The following HNRNPF variants were observed in gnomAD, a reference collection of about 807,000 sequenced individuals.
The protein encoded by HNRNPF is heterogeneous nuclear ribonucleoprotein F.
HNRNPF carries 2 observed loss-of-function variants against 26.0 expected under a neutral mutation model. The ratio of observed to expected loss-of-function variants is 0.08; its 90% CI spans 0.03 to 0.24. The LOEUF is 0.24. Ranked by LOEUF, HNRNPF falls within the 10% of genes least tolerant of loss-of-function variation. The probability of loss-of-function intolerance (pLI) is 1.00; values close to 1 mark genes in which losing one functional copy is unlikely to be tolerated. For missense variants in HNRNPF, 299 were observed against 539.2 expected (o/e 0.55, Z 4.41); for synonymous variants, 234 against 211.5 (o/e 1.11, Z -0.92).
At chr10:43,407,813 G>C (rs898342586) in intron 1 of HNRNPF, 7 of 152,204 alleles carry the variant, frequency 4.6e-5, no homozygotes, top group African/African-American at 1.7e-4. Flanking sequence ...TAAGGCTACG[G>C]GAACCGGGCG....
intron 1 of HNRNPF, among the ~76,000 whole-genome samples, chr10:43,405,070 AACTC>A (rs1416833933): frequency 1.3e-5 from 2 of 152,190 alleles, no homozygotes; most frequent in Non-Finnish European, 2.9e-5. Flanking sequence ...GTAAGTGTAA[AACTC>A]ACACTGGATT....
At chr10:43,396,698 G>C (rs896517138) in intron 1 of HNRNPF, 108 bp from the exon 2 acceptor site, 1 of 152,166 alleles carries the variant, frequency 6.6e-6, no homozygotes, top group African/African-American at 2.4e-5. Flanking sequence ...CCGAGACAAG[G>C]TGACGGCGAC....
intron 2 of HNRNPF, among the ~76,000 whole-genome samples, chr10:43,395,680 C>CTTCA (rs1439453634): frequency 6.6e-6 from 1 of 152,188 alleles, no homozygotes; most frequent in Non-Finnish European, 1.5e-5. Context: ...TTTCAAAAGG[C>CTTCA]TTCAACAATC....
In HNRNPF at chr10:43,387,477, A is replaced by G. The variant is rs781138078; in HGVS notation, c.408T>C (p.Ile136=). ...EIVQFFSGLE[I]VPNGITLPVD... is the part of the protein sequence containing the mutation. Reference sequence around the variant, plus strand: ...CAGGCAATGTGATCCCGTTTGGCACAATTTCCAACCCTGAGAAGAACTGAA... The same window carrying G: ...CAGGCAATGTGATCCCGTTTGGCACGATTTCCAACCCTGAGAAGAACTGAA... Residue 136 remains isoleucine (I), a synonymous_variant, in exon 4 of 4, where the codon ATT becomes ATC. Transcript: ENST00000682386. The surrounding 1 kb of genome is among the most constrained non-coding windows in gnomAD (Gnocchi z 6.0). 1 of 1,614,180 alleles carries G rather than the reference A, an allele frequency of 6.2e-7. No individual in the cohort carries two copies. The highest frequency in any genetic ancestry group is 8.5e-7 in the Non-Finnish European group (1 of 1,180,034).
At chr10:43,392,856 A>G (rs957968094) in intron 3 of HNRNPF, among the ~76,000 whole-genome samples, 2 of 152,174 alleles carry the variant, frequency 1.3e-5, no homozygotes, top group African/African-American at 4.8e-5. Context: ...CCTGAAGCCT[A>G]GACGGGTAGA....
chr10:43,404,295 C>G, intron 1 of HNRNPF, among the ~76,000 whole-genome samples: 1 of 105,500 alleles, frequency 9.5e-6, no homozygotes. Context: ...AGTGAGAATC[C>G]GTCTATAAAA....
chr10:43,388,336 T>A (rs899961602), intron 3 of HNRNPF, among the ~76,000 whole-genome samples: 6 of 152,228 alleles, frequency 3.9e-5, no homozygotes, highest in Non-Finnish European at 7.3e-5. Flanking sequence ...TCTGCTTGTC[T>A]ATGGTAGGAT....
At chr10:43,398,401 G>A (rs956403150) in intron 1 of HNRNPF, among the ~76,000 whole-genome samples, 2 of 148,260 alleles carry the variant, frequency 1.3e-5, no homozygotes, top group Non-Finnish European at 3.0e-5. Context: ...GAGTGCAATG[G>A]CACGATCTCG....
At chr10:43,394,082 C>T (rs543698095) in intron 3 of HNRNPF, among the ~76,000 whole-genome samples, 1 of 152,274 alleles carries the variant, frequency 6.6e-6, no homozygotes, top group Admixed American at 6.5e-5. Flanking sequence ...TGGGGAGAAA[C>T]TTGTGCCTGT....
chr10:43,391,672 G>C (rs892343754), intron 3 of HNRNPF, among the ~76,000 whole-genome samples: 2 of 74,908 alleles, frequency 2.7e-5, no homozygotes, highest in Non-Finnish European at 4.5e-5. Context: ...CAGAGTCCAG[G>C]AGTTTGTAAG....
intron 1 of HNRNPF, among the ~76,000 whole-genome samples, chr10:43,401,148 A>G (rs1181260277): frequency 6.6e-6 from 1 of 151,838 alleles, no homozygotes; most frequent in African/African-American, 2.4e-5. Context: ...TTACTCCATT[A>G]TTACTACATT....
Position 43,385,688 on chromosome 10 carries a change from A to G in HNRNPF, c.*949T>C, listed in dbSNP as rs1192799330. 6.6e-6 allele frequency: 1 copy of G among 152,250 alleles called. No individual in the cohort carries two copies. Among genetic ancestry groups the G allele is most frequent in the Non-Finnish European group, 1.5e-5 (1 of 68,044 alleles). 9.4% of individuals were successfully genotyped at this position (152,250 alleles called of 1,614,324 possible). A position where few individuals can be genotyped will look rare whatever the true frequency, so the allele number is the denominator to read the frequency against. On this transcript the variant is annotated 3_prime_UTR_variant, in exon 4 of 4. Transcript: ENST00000682386. ...CTTTCACAATGTAGTACTTGAAACT[A>G]AAGTTCTCCAGCTATCAACAGATGT...
At chr10:43,390,394 C>A (rs1415240621) in intron 3 of HNRNPF, among the ~76,000 whole-genome samples, 1 of 152,184 alleles carries the variant, frequency 6.6e-6, no homozygotes, top group East Asian at 1.9e-4. Flanking sequence ...AGCCTTAGGT[C>A]CAGCCATCGT....
chr10:43,406,974 G>A (rs748505062), intron 1 of HNRNPF, among the ~76,000 whole-genome samples: 2 of 152,124 alleles, frequency 1.3e-5, no homozygotes, highest in South Asian at 4.1e-4. Flanking sequence ...CACTTTGCAG[G>A]AATAGCACTT....
chr10:43,400,842 A>C (rs1388679146), intron 1 of HNRNPF, among the ~76,000 whole-genome samples: 1 of 152,246 alleles, frequency 6.6e-6, no homozygotes, highest in African/African-American at 2.4e-5. Flanking sequence ...TCATGCCTGT[A>C]ATCCCAGCAC....
chr10:43,392,430 T>A (rs1234719286), intron 3 of HNRNPF, among the ~76,000 whole-genome samples: 1 of 152,060 alleles, frequency 6.6e-6, no homozygotes, highest in African/African-American at 2.4e-5. Flanking sequence ...TCCCAGCTAC[T>A]CCAGACGCTG....
intron 1 of HNRNPF, among the ~76,000 whole-genome samples, chr10:43,398,879 G>T (rs971996938): frequency 2.0e-5 from 3 of 152,056 alleles, no homozygotes; most frequent in African/African-American, 4.8e-5. Context: ...TAAATAACAC[G>T]AATTACAGGG....
intron 1 of HNRNPF, among the ~76,000 whole-genome samples, chr10:43,403,569 G>C (rs1174779418): frequency 6.6e-6 from 1 of 152,174 alleles, no homozygotes; most frequent in Non-Finnish European, 1.5e-5. Flanking sequence ...GACCAAGTTG[G>C]ATTTCAGGAA....
chr10:43,391,412 C>T (rs995010873), intron 3 of HNRNPF, among the ~76,000 whole-genome samples: 20 of 151,838 alleles, frequency 1.3e-4, no homozygotes, highest in African/African-American at 3.6e-4. Flanking sequence ...GAGTGGAGAT[C>T]GCACCATTGT....
Sources: gnomAD v4.1 joint callset for allele counts (sites outside exome capture counted in the v4.1 genomes callset) on GRCh38, gnomAD v4.1.1 for gene constraint, Gnocchi (gnomAD v3.1) non-coding constraint, MANE v1.5 for transcripts, NCBI Gene and HGNC (gene_info 2026-07-23, HGNC 2026-07-21) for gene names.